GFRA2: variants seen among roughly 807,000 people sequenced by gnomAD.
GFRA2 encodes the protein GDNF family receptor alpha-2.
GFRA2 carries 17 observed loss-of-function variants against 48.3 expected under a neutral mutation model. That is an observed-to-expected ratio of 0.35 (90% CI 0.24 to 0.53). GFRA2 has a LOEUF of 0.53. GFRA2 is among the 20% of genes least tolerant of loss of function. GFRA2 has a pLI of 0.93. For synonymous variants in GFRA2, 305 were observed against 257.2 expected (o/e 1.19, Z -1.78); for missense variants, 660 against 637.3 (o/e 1.04, Z -0.38).
intron 4 of GFRA2, among the ~76,000 whole-genome samples, chr8:21,732,467 T>C (rs1421605246): frequency 1.3e-5 from 2 of 151,294 alleles, no homozygotes; most frequent in Admixed American, 6.6e-5. Flanking sequence ...GGGAGGGGGG[T>C]ATCTCTCTGG....
intron 4 of GFRA2, among the ~76,000 whole-genome samples, chr8:21,734,617 T>C (rs759251216): frequency 6.6e-6 from 1 of 152,244 alleles, no homozygotes; most frequent in Non-Finnish European, 1.5e-5. Flanking sequence ...GGTTTTTGAC[T>C]CACTGTCCAG....
chr8:21,788,069 C>A, intron 1 of GFRA2, 51 bp downstream of exon 1: 3 of 1,069,872 alleles, frequency 2.8e-6, no homozygotes, highest in Admixed American at 2.1e-5. Flanking sequence ...TCGCCCCCCG[C>A]CTCCCCGGCT....
chr8:21,737,368 C>CAAAAAAAAAAAAAAA (rs112229992), intron 4 of GFRA2, among the ~76,000 whole-genome samples: 15 of 143,202 alleles, frequency 1.0e-4, no homozygotes, highest in African/African-American at 3.6e-4. Flanking sequence ...GACTCCGTCT[C>CAAAAAAAAAAAAAAA]AAAAAAAAAA....
intron 1 of GFRA2, among the ~76,000 whole-genome samples, chr8:21,787,275 TG>T (rs780776992): frequency 2.4e-4 from 18 of 75,750 alleles, no homozygotes; most frequent in African/African-American, 7.6e-4. Context: ...GGGGGGGCAG[TG>T]GGGGGGGTTT....
intron 3 of GFRA2, 99 bp downstream of exon 3, chr8:21,774,873 T>C: frequency 1.4e-6 from 1 of 702,130 alleles, no homozygotes; most frequent in East Asian, 2.5e-5. Context: ...AGCAGGGCCA[T>C]CATCGGACGC....
chr8:21,767,425 C>T (rs902416369), intron 3 of GFRA2, among the ~76,000 whole-genome samples: 12 of 152,250 alleles, frequency 7.9e-5, no homozygotes, highest in Non-Finnish European at 1.3e-4. Context: ...ACCCCTCTCC[C>T]GCTGTTCCTC....
intron 2 of GFRA2, among the ~76,000 whole-genome samples, chr8:21,796,401 C>A (rs1036109688): frequency 1.1e-4 from 17 of 152,150 alleles, no homozygotes; most frequent in Admixed American, 3.3e-4. Flanking sequence ...CTGCCTGACG[C>A]CCCCCGCAGA....
At chr8:21,722,908 A>G (rs2117453274) in intron 4 of GFRA2, among the ~76,000 whole-genome samples, 1 of 152,310 alleles carries the variant, frequency 6.6e-6, no homozygotes, top group South Asian at 2.1e-4. Flanking sequence ...CAGTCTTGCA[A>G]TGAATCACCT....
At chr8:21,776,263 C>T (rs921488973) in intron 2 of GFRA2, among the ~76,000 whole-genome samples, 1 of 152,146 alleles carries the variant, frequency 6.6e-6, no homozygotes, top group Middle Eastern at 3.4e-3. Flanking sequence ...GCAGGCTCAC[C>T]GAGCAAGGAG....
At chr8:21,778,000 C>A (rs1446538453) in intron 2 of GFRA2, among the ~76,000 whole-genome samples, 1 of 152,188 alleles carries the variant, frequency 6.6e-6, no homozygotes, top group Non-Finnish European at 1.5e-5. Context: ...GCCACGGGCT[C>A]TTTGCACCTG....
In GFRA2 at chr8:21,782,817, G is replaced by C; in HGVS notation, c.123C>G (p.Val41=). 6.3e-7 allele frequency: 1 copy of C among 1,575,872 alleles called. No homozygotes were observed. Among genetic ancestry groups the C allele is most frequent in the Admixed American group, 1.8e-5 (1 of 55,866 alleles). The change falls in exon 2 of 9, where the codon GTC becomes GTG. Residue 41 remains valine, a synonymous_variant. Transcript: ENST00000524240. ...CGGCGGCACACAGCTCATTGGCCCG[G>C]ACACAGTCCACTGGGGGGCGCCAGC... ...LHGWRPPVDC[V]RANELCAAES... is the part of the protein sequence containing the mutation.
At chr8:21,761,968 T>TA (rs1435102588) in intron 3 of GFRA2, among the ~76,000 whole-genome samples, 2 of 151,684 alleles carry the variant, frequency 1.3e-5, no homozygotes, top group Middle Eastern at 3.4e-3. Context: ...TTAAAAAAAT[T>TA]AAAAAAAGTG....
At position 21,698,678 on chromosome 8, in the gene GFRA2, G is replaced by A. The variant is rs550664953; in HGVS notation, c.1218+4127C>T. Reference sequence around the variant, plus strand: ...CCATCACCACAACTCAGTGCTGCCTGTGACAGAAGACAATGCAGACAGGGT... The same window carrying A: ...CCATCACCACAACTCAGTGCTGCCTATGACAGAAGACAATGCAGACAGGGT... On this transcript the variant is annotated intron_variant, in intron 7 of 8. Coordinates refer to ENST00000524240, the MANE Select transcript of GFRA2 (RefSeq NM_001495.5). Among the ~76,000 whole-genome samples, 21 of 152,196 alleles carry A rather than the reference G, an allele frequency of 1.4e-4. No individual in the cohort carries two copies. The South Asian group carries it at 2.7e-3, about 20-fold the overall frequency.
intron 4 of GFRA2, among the ~76,000 whole-genome samples, chr8:21,710,444 A>G (rs1290741520): frequency 6.6e-6 from 1 of 152,112 alleles, no homozygotes; most frequent in Admixed American, 6.5e-5. Flanking sequence ...GGTCCCACAC[A>G]GGGCAAGTGA....
chr8:21,772,636 C>G (rs1806490785), intron 3 of GFRA2, among the ~76,000 whole-genome samples: 1 of 152,194 alleles, frequency 6.6e-6, no homozygotes, highest in Non-Finnish European at 1.5e-5. Flanking sequence ...AAAGCCCAGC[C>G]CTCATGGCAG....
chr8:21,762,101 G>T (rs75585643), intron 3 of GFRA2, among the ~76,000 whole-genome samples: 2 of 152,274 alleles, frequency 1.3e-5, no homozygotes, highest in African/African-American at 4.8e-5. Flanking sequence ...TGTGGCAAAA[G>T]ATAAAATGGT....
intron 4 of GFRA2, among the ~76,000 whole-genome samples, chr8:21,709,588 A>G (rs562044167): frequency 1.3e-4 from 20 of 152,264 alleles, no homozygotes; most frequent in Non-Finnish European, 2.4e-4. Context: ...GGGCCGGGGT[A>G]GTGTGCCTGG....
intron 3 of GFRA2, among the ~76,000 whole-genome samples, chr8:21,766,822 T>A: frequency 2.9e-3 from 1 of 344 alleles, no homozygotes; most frequent in Non-Finnish European, 5.5e-3. Flanking sequence ...ACCCACACGC[T>A]CCACACACCT....
At chr8:21,804,637 G>A (rs1197399895) in intron 2 of GFRA2, among the ~76,000 whole-genome samples, 1 of 152,088 alleles carries the variant, frequency 6.6e-6, no homozygotes, top group African/African-American at 2.4e-5. Context: ...CGCTCTGTTT[G>A]GCAGCTTGAG....
Sources: allele counts gnomAD v4.1 joint callset (sites outside exome capture counted in the v4.1 genomes callset), GRCh38; gene constraint gnomAD v4.1.1; transcripts MANE v1.5; gene names NCBI Gene and HGNC (gene_info 2026-07-23, HGNC 2026-07-21).